TOLLIP: variants seen among roughly 807,000 people sequenced by gnomAD.
TOLLIP encodes toll interacting protein.
Under a neutral mutation model 33.5 loss-of-function variants are expected in TOLLIP, and 16 were observed. The ratio of observed to expected loss-of-function variants is 0.48; its 90% CI spans 0.32 to 0.72. TOLLIP has a LOEUF of 0.72. Among genes scored for constraint, TOLLIP ranks in the 30% least tolerant of loss-of-function variants. The probability of loss-of-function intolerance (pLI) is 0.03; values close to 1 mark genes in which losing one functional copy is unlikely to be tolerated. For missense variants in TOLLIP, 325 were observed against 396.6 expected, an observed-to-expected ratio of 0.82 and a Z score of 1.53; for synonymous variants, 176 against 163.7, an observed-to-expected ratio of 1.07 and a Z score of -0.57.
intron 1 of TOLLIP, among the ~76,000 whole-genome samples, chr11:1,296,612 A>G (rs1864119408): frequency 2.2e-5 from 3 of 136,282 alleles, no homozygotes; most frequent in Non-Finnish European, 3.1e-5. Context: ...AGTGGGGTGG[A>G]GGCCTGGTTG....
intron 3 of TOLLIP, among the ~76,000 whole-genome samples, chr11:1,288,979 C>T (rs1328899752): frequency 6.6e-6 from 1 of 152,242 alleles, no homozygotes; most frequent in Non-Finnish European, 1.5e-5. Context: ...GACTTCTTCC[C>T]TCTCTCCACC....
In TOLLIP at chr11:1,277,245, C is replaced by A. The variant is rs552271777; in HGVS notation, c.619G>T (p.Ala207Ser). The change falls in exon 6 of 6, where the codon GCT becomes TCT. Residue 207 changes from alanine (A) to serine (S), a missense_variant. By Grantham distance (99) the Ala-to-Ser change is moderately conservative. Coordinates refer to ENST00000317204, the MANE Select transcript of TOLLIP (RefSeq NM_019009.4). This position sits in a 1 kb window ranked among gnomAD's most constrained non-coding sequence, Gnocchi z 4.2. ...VGYVPITGMP[A>S]VCSPGMVPVA... ...GGCACCATGCCGGGGCTACAGACAG[C>A]GGGCATCCCTGGAAGCAAAGATCAA... 7.1e-6 allele frequency: 11 copies of A among 1,550,860 alleles called. No homozygotes were observed. The highest frequency in any genetic ancestry group is 8.7e-7 in the Non-Finnish European group (1 of 1,145,218).
chr11:1,289,866 G>A (rs1009711057), intron 3 of TOLLIP, among the ~76,000 whole-genome samples: 5 of 144,946 alleles, frequency 3.4e-5, no homozygotes, highest in African/African-American at 1.3e-4. Flanking sequence ...ACCTGCTGGT[G>A]AGCGGCCAGA....
intron 2 of TOLLIP, among the ~76,000 whole-genome samples, chr11:1,293,405 G>C (rs1029695837): frequency 2.6e-5 from 4 of 152,210 alleles, no homozygotes; most frequent in African/African-American, 9.6e-5. Flanking sequence ...CGGGATGTGT[G>C]GGCAGAGAGG....
At chr11:1,283,361 C>G in intron 5 of TOLLIP, 1 of 349,280 alleles carries the variant, frequency 2.9e-6, no homozygotes, top group Non-Finnish European at 5.6e-6. Context: ...CTGGATGCTG[C>G]GGACTCAGAC....
intron 5 of TOLLIP, among the ~76,000 whole-genome samples, chr11:1,282,223 A>G (rs930150881): frequency 1.3e-5 from 2 of 152,230 alleles, no homozygotes; most frequent in Non-Finnish European, 2.9e-5. Context: ...CCAGAGAAGG[A>G]TCAGAGGAGG....
intron 1 of TOLLIP, among the ~76,000 whole-genome samples, chr11:1,299,790 G>C (rs1470784738): frequency 6.6e-6 from 1 of 152,236 alleles, no homozygotes; most frequent in Non-Finnish European, 1.5e-5. Context: ...GTGAGCACAG[G>C]ATGCCTGAGG....
chr11:1,293,541 G>C (rs998317277), intron 2 of TOLLIP, among the ~76,000 whole-genome samples: 7 of 152,262 alleles, frequency 4.6e-5, no homozygotes, highest in African/African-American at 1.7e-4. Flanking sequence ...AGAGAAGCAG[G>C]AAACAGGGGC....
rs1863291462 is a variant in TOLLIP at position 1,276,079 on chromosome 11, G to A, written c.*960C>T. ...CTCCCGCCTCAGAAAGCTTTTACAG[G>A]GCCACGCTCGCCAGGCTTTCCTCGC... is the stretch of plus-strand genomic sequence containing the variant. On this transcript the variant is annotated 3_prime_UTR_variant, in exon 6 of 6. Coordinates refer to ENST00000317204, the MANE Select transcript of TOLLIP (RefSeq NM_019009.4). 6.6e-6 allele frequency: 1 copy of A among 152,300 alleles called. No homozygotes were observed. The highest frequency in any genetic ancestry group is 1.5e-5 in the Non-Finnish European group (1 of 68,134). The allele number at this position is 152,300 out of a possible 1,614,324, so 9.4% of individuals were successfully genotyped here. A position where few individuals can be genotyped will look rare whatever the true frequency, so the allele number is the denominator to read the frequency against.
rs1369397876 is a variant in TOLLIP, at chr11:1,307,813, G to C, written c.33+1653C>G. 6.6e-5 allele frequency among the ~76,000 whole-genome samples: 10 copies of C among 152,230 alleles called. 1 individual carries two copies. The highest frequency in any genetic ancestry group is 8.8e-5 in the Non-Finnish European group (6 of 68,046). On this transcript the variant is annotated intron_variant, in intron 1 of 5. Coordinates refer to ENST00000317204, the MANE Select transcript of TOLLIP (RefSeq NM_019009.4). Reference sequence around the variant, plus strand: ...GCCGACCCGTAGGCTCCACACCTGAGTCTCATAAGTGTCAGGAGGTTTCCT... The same window carrying C: ...GCCGACCCGTAGGCTCCACACCTGACTCTCATAAGTGTCAGGAGGTTTCCT...
intron 1 of TOLLIP, among the ~76,000 whole-genome samples, chr11:1,302,077 T>C (rs1388991100): frequency 6.6e-6 from 1 of 152,198 alleles, no homozygotes; most frequent in Non-Finnish European, 1.5e-5. Context: ...TTGAAGGCCC[T>C]GCAAGGGGCC....
At chr11:1,309,416 C>T (rs1259513197) in intron 1 of TOLLIP, 50 bp downstream of exon 1, 4 of 1,164,512 alleles carry the variant, frequency 3.4e-6, no homozygotes, top group South Asian at 2.7e-5. Flanking sequence ...AAGGCCCCGC[C>T]CGCAACCGCA....
intron 3 of TOLLIP, chr11:1,289,987 C>G: frequency 1.9e-6 from 1 of 537,410 alleles, no homozygotes; most frequent in South Asian, 2.2e-5. Context: ...ACGCTGTATC[C>G]CTGGGTCATG....
In TOLLIP at chr11:1,288,658, T is replaced by C; in HGVS notation, c.485A>G (p.Lys162Arg). ...YSLSGRQGDD[K>R]EGMINLVMSY... is the part of the protein sequence containing the mutation. ...CATGACGAGGTTGATCATGCCCTCCTTGTCGTCCCCCTGCCTCCCGCTCAG... is the reference window on the plus strand; with the variant it reads ...CATGACGAGGTTGATCATGCCCTCCCTGTCGTCCCCCTGCCTCCCGCTCAG... Residue 162 changes from lysine to arginine, a missense_variant, in exon 4 of 6, where the codon AAG becomes AGG. Lys to Arg is a conservative substitution (Grantham distance 26). Coordinates refer to ENST00000317204, the MANE Select transcript of TOLLIP (RefSeq NM_019009.4). 6.2e-7 allele frequency: 1 copy of C among 1,612,822 alleles called. No individual in the cohort carries two copies. Among genetic ancestry groups the C allele is most frequent in the Non-Finnish European group, 8.5e-7 (1 of 1,179,800 alleles).
chr11:1,307,534 T>C (rs1335565105), intron 1 of TOLLIP, among the ~76,000 whole-genome samples: 1 of 152,160 alleles, frequency 6.6e-6, no homozygotes, highest in Non-Finnish European at 1.5e-5. Flanking sequence ...GGGTTCCAGA[T>C]GAGGAACAAG....
chr11:1,282,266 C>T (rs545959896), intron 5 of TOLLIP, among the ~76,000 whole-genome samples: 5 of 152,244 alleles, frequency 3.3e-5, no homozygotes, highest in Admixed American at 3.3e-4. Flanking sequence ...GAGGGGGCTC[C>T]CTCTGGCCAA....
At chr11:1,301,450 C>T (rs1024017569) in intron 1 of TOLLIP, among the ~76,000 whole-genome samples, 6 of 145,466 alleles carry the variant, frequency 4.1e-5, no homozygotes, top group Non-Finnish European at 9.1e-5. Flanking sequence ...ACATGTGTCG[C>T]GGGCTTCCGA....
At chr11:1,292,679 C>G (rs5743944) in intron 2 of TOLLIP, among the ~76,000 whole-genome samples, 2 of 152,288 alleles carry the variant, frequency 1.3e-5, no homozygotes, top group African/African-American at 4.8e-5. Flanking sequence ...TGGGGACACA[C>G]GGGCACCGCT....
At position 1,295,722 on chromosome 11, in the gene TOLLIP, C is replaced by A. The variant is rs1195517269; in HGVS notation, c.106G>T (p.Asp36Tyr). ...PTQQQRQVQL[D>Y]AQAAQQLQYG... ...TGCAGCTGCTGGGCCGCCTGGGCGT[C>A]CAGCTGGACCTGCCGCTGCTGCTGT... Residue 36 changes from aspartate to tyrosine, a missense_variant, in exon 2 of 6, where the codon GAC becomes TAC. By Grantham distance (160) the Asp-to-Tyr change is radical (BLOSUM62 -3). Transcript: ENST00000317204. The A allele has an allele frequency of 6.2e-7, 1 of 1,609,396 alleles. No homozygotes were observed. The highest frequency in any genetic ancestry group is 1.7e-5 in the Admixed American group (1 of 59,660).
Sources: allele counts gnomAD v4.1 joint callset (sites outside exome capture counted in the v4.1 genomes callset), GRCh38; gene constraint gnomAD v4.1.1; non-coding constraint Gnocchi (gnomAD v3.1); transcripts MANE v1.5; gene names NCBI Gene and HGNC (gene_info 2026-07-23, HGNC 2026-07-21).